The following RBMS3 variants were observed in gnomAD, a reference collection of about 807,000 sequenced individuals.
RBMS3 encodes RNA binding motif single stranded interacting protein 3.
RBMS3 carries 27 observed loss-of-function variants against 66.8 expected under a neutral mutation model. The observed-to-expected ratio is 0.40, with a 90% CI of 0.30 to 0.56. The LOEUF (loss-of-function observed/expected upper bound fraction) is 0.56, where lower values mean the gene tolerates loss of function less well. Among genes scored for constraint, RBMS3 ranks in the 20% least tolerant of loss-of-function variants. The pLI, the probability that RBMS3 is intolerant of heterozygous loss-of-function variation, is 0.40. For synonymous variants in RBMS3, 188 were observed against 183.0 expected (o/e 1.03, Z -0.22); for missense variants, 513 against 549.5 (o/e 0.93, Z 0.66).
chr3:29,879,978 T>G (rs1003913712), intron 7 of RBMS3, among the ~76,000 whole-genome samples: 2 of 152,180 alleles, frequency 1.3e-5, no homozygotes, highest in African/African-American at 4.8e-5. Context: ...TGATATAATG[T>G]AATCATTTAC....
rs141104409 is a variant in RBMS3 at position 29,823,433 on chromosome 3, T to C, written c.638-45425T>C. Among the ~76,000 whole-genome samples, 495 of 152,350 alleles carry C rather than the reference T, an allele frequency of 3.2e-3. 3 individuals carry two copies. Among genetic ancestry groups the C allele is most frequent in the African/African-American group, 0.011 (438 of 41,594 alleles). ...TATTCATTCTCATAGCTGTGTAGTA[T>C]CACTTTGAGTGAATATATCACAGTC... On this transcript the variant is annotated intron_variant, in intron 6 of 14. Transcript: ENST00000383767.
At chr3:29,383,705 A>G (rs924555508) in intron 1 of RBMS3, among the ~76,000 whole-genome samples, 29 of 152,146 alleles carry the variant, frequency 1.9e-4, no homozygotes, top group African/African-American at 5.3e-4. Context: ...GTACCTGGCA[A>G]TGTGTTGTAG....
intron 14 of RBMS3, among the ~76,000 whole-genome samples, chr3:30,002,487 T>A (rs776809445): frequency 6.6e-6 from 1 of 152,028 alleles, no homozygotes; most frequent in Non-Finnish European, 1.5e-5. Context: ...AAGTCTATAG[T>A]TTGCAAAGCT....
At chr3:29,593,680 A>G (rs2047843982) in intron 4 of RBMS3, among the ~76,000 whole-genome samples, 1 of 147,142 alleles carries the variant, frequency 6.8e-6, no homozygotes, top group South Asian at 2.1e-4. Flanking sequence ...TTTTTCCCCC[A>G]TGGGGACAAG....
chr3:29,638,157 A>G (rs1273079293), intron 4 of RBMS3, among the ~76,000 whole-genome samples: 4 of 151,860 alleles, frequency 2.6e-5, no homozygotes, highest in South Asian at 2.1e-4. Flanking sequence ...TCCCCACCAA[A>G]TAAGAAGACA....
Position 29,306,500 on chromosome 3 carries a change from T to C in RBMS3, c.75+24744T>C, listed in dbSNP as rs751541537. Among the ~76,000 whole-genome samples, 49 of 151,964 alleles carry C rather than the reference T, an allele frequency of 3.2e-4. 1 individual carries two copies. The highest frequency in any genetic ancestry group is 2.8e-3 in the Admixed American group (43 of 15,216). On this transcript the variant is annotated intron_variant, in intron 1 of 14. Transcript: ENST00000383767. ...ACTAATAAGAATCAATTAGTGCCAC[T>C]TGCAACCATAAAACCTTAATTCACA...
chr3:29,562,179 A>G (rs2046580839), intron 3 of RBMS3, among the ~76,000 whole-genome samples: 1 of 152,170 alleles, frequency 6.6e-6, no homozygotes, highest in African/African-American at 2.4e-5. Context: ...CAACAGCCAG[A>G]CATATCCCAG....
At chr3:29,729,512 A>G (rs1025115046) in intron 4 of RBMS3, among the ~76,000 whole-genome samples, 33 of 152,072 alleles carry the variant, frequency 2.2e-4, no homozygotes, top group African/African-American at 8.0e-4. Context: ...CAGTAATAGG[A>G]TTGCTGGATC....
intron 6 of RBMS3, among the ~76,000 whole-genome samples, chr3:29,789,254 T>C (rs2056924340): frequency 6.6e-6 from 1 of 152,100 alleles, no homozygotes; most frequent in Admixed American, 6.6e-5. Context: ...ATAGACGTAT[T>C]TATCCTTTTT....
Position 29,548,478 on chromosome 3 carries a change from G to A in RBMS3, c.308-38636G>A, listed in dbSNP as rs367978823. 5.3e-5 allele frequency among the ~76,000 whole-genome samples: 8 copies of A among 150,814 alleles called. No homozygotes were observed. In the East Asian group the frequency reaches 1.6e-3, roughly 29 times the overall value. On this transcript the variant is annotated intron_variant, in intron 3 of 14. Coordinates refer to ENST00000383767, the MANE Select transcript of RBMS3 (RefSeq NM_001003793.3). ...AAACAAAACGACGTTAATGAAGGAT[G>A]TAAGTAGGAATGCTTATAAAGTTTA...
intron 2 of RBMS3, among the ~76,000 whole-genome samples, chr3:29,441,850 T>C (rs965430816): frequency 6.6e-5 from 10 of 152,212 alleles, no homozygotes; most frequent in Non-Finnish European, 4.4e-5. Flanking sequence ...TCCCCTGTTT[T>C]AGCTCTCTTA....
At chr3:29,963,789 C>T (rs986738446) in intron 12 of RBMS3, among the ~76,000 whole-genome samples, 8 of 145,758 alleles carry the variant, frequency 5.5e-5, no homozygotes, top group Admixed American at 2.8e-4. Context: ...ATCCCACCAC[C>T]GTACTCCAGG....
intron 2 of RBMS3, among the ~76,000 whole-genome samples, chr3:29,435,635 A>T (rs79805306): frequency 0.024 from 3,635 of 152,312 alleles, 62 homozygotes; most frequent in Admixed American, 0.047. Flanking sequence ...AAAATTAATA[A>T]TGAATTAAGA....
At chr3:29,303,775 G>A (rs557703180) in intron 1 of RBMS3, among the ~76,000 whole-genome samples, 82 of 152,042 alleles carry the variant, frequency 5.4e-4, no homozygotes, top group Admixed American at 2.0e-3. Flanking sequence ...ATATTAGTCC[G>A]TTTTCACACT....
chr3:29,930,953 A>G (rs2061105154), intron 10 of RBMS3, among the ~76,000 whole-genome samples: 1 of 152,112 alleles, frequency 6.6e-6, no homozygotes, highest in Non-Finnish European at 1.5e-5. Flanking sequence ...AACATTTCTA[A>G]CTAACTACTT....
At chr3:29,747,760 A>G (rs1410438437) in intron 5 of RBMS3, among the ~76,000 whole-genome samples, 1 of 152,188 alleles carries the variant, frequency 6.6e-6, no homozygotes, top group African/African-American at 2.4e-5. Context: ...AAAAGGCAAC[A>G]TTCGTTTGGT....
chr3:29,987,746 T>C (rs946336100), intron 12 of RBMS3, among the ~76,000 whole-genome samples: 1 of 152,154 alleles, frequency 6.6e-6, no homozygotes, highest in Non-Finnish European at 1.5e-5. Context: ...ATTCAACAAG[T>C]ACTTGTTGAG....
intron 3 of RBMS3, among the ~76,000 whole-genome samples, chr3:29,545,375 A>G (rs1269621687): frequency 6.6e-6 from 1 of 152,140 alleles, no homozygotes; most frequent in Non-Finnish European, 1.5e-5. Flanking sequence ...ACTAGAATAA[A>G]AAAACAGCAA....
intron 10 of RBMS3, among the ~76,000 whole-genome samples, chr3:29,918,304 T>A (rs1056448468): frequency 1.3e-5 from 2 of 152,264 alleles, no homozygotes; most frequent in Non-Finnish European, 2.9e-5. Context: ...CCAATCACAT[T>A]AGCATATGAA....
Sources: gnomAD v4.1 joint callset for allele counts (sites outside exome capture counted in the v4.1 genomes callset) on GRCh38, gnomAD v4.1.1 for gene constraint, MANE v1.5 for transcripts, NCBI Gene and HGNC (gene_info 2026-07-23, HGNC 2026-07-21) for gene names.